RNF6: variants seen among roughly 807,000 people sequenced by gnomAD.
The protein encoded by RNF6 is E3 ubiquitin-protein ligase RNF6.
A neutral mutation model predicts 50.1 loss-of-function variants in RNF6; 21 were observed. That is an observed-to-expected ratio of 0.42 (90% CI 0.30 to 0.60). RNF6 has a LOEUF of 0.60. Among genes scored for constraint, RNF6 ranks in the 20% least tolerant of loss-of-function variants. The probability of loss-of-function intolerance (pLI) is 0.20; values close to 1 mark genes in which losing one functional copy is unlikely to be tolerated. For missense variants in RNF6, 698 were observed against 838.2 expected (o/e 0.83, Z 2.07); for synonymous variants, 255 against 291.8 (o/e 0.87, Z 1.29).
In RNF6 at chr13:26,213,836, T is replaced by C. The variant is rs1222038847; in HGVS notation, c.2046A>G (p.Ala682=). The change falls in exon 5 of 5, where the codon GCA becomes GCG. Residue 682 remains alanine, a synonymous_variant. Transcript: ENST00000381588. ...CRQPVLGSNI[A]NNG ...AGATCCCATCACCTTACCCATTGTT[T>C]GCTATGTTAGACCCTAAAACAGGCT... is the stretch of plus-strand genomic sequence containing the variant. 2 of 1,604,350 alleles carry C rather than the reference T, an allele frequency of 1.2e-6. No homozygotes were observed. Among genetic ancestry groups the C allele is most frequent in the African/African-American group, 2.7e-5 (2 of 74,722 alleles).
downstream of RNF6, among the ~76,000 whole-genome samples, chr13:26,210,238 A>G (rs567803916): frequency 3.9e-5 from 6 of 152,224 alleles, no homozygotes; most frequent in Non-Finnish European, 7.3e-5. Flanking sequence ...ACCCCAAGTG[A>G]GCCACCTACT....
intron 5 of RNF6, among the ~76,000 whole-genome samples, chr13:26,177,834 CT>C (rs1364458792): frequency 6.6e-6 from 1 of 152,236 alleles, no homozygotes; most frequent in Admixed American, 6.5e-5. Context: ...TAGCTATGCC[CT>C]ACTCCACCAT....
At chr13:26,208,909 T>C (rs1320790892), downstream of RNF6, among the ~76,000 whole-genome samples, 1 of 152,206 alleles carries the variant, frequency 6.6e-6, no homozygotes, top group Non-Finnish European at 1.5e-5. Context: ...GCAAACTCTA[T>C]GTGGCTAAGA....
intron 1 of RNF6, 112 bp downstream of exon 1, chr13:26,221,891 T>C (rs747267493): frequency 3.3e-5 from 5 of 152,268 alleles, no homozygotes; most frequent in Non-Finnish European, 7.3e-5. Context: ...CGGAGCGCAA[T>C]AAGAAGGCAG....
rs572387668 is a variant in RNF6 at position 26,218,380 on chromosome 13, A to G, written c.289+131T>C. 6.0e-6 allele frequency: 4 copies of G among 665,492 alleles called. No homozygotes were observed. The East Asian group carries it at 1.1e-4, about 18-fold the overall frequency. The allele number at this position is 665,492 out of a possible 1,614,324, so 41.2% of individuals were successfully genotyped here. On this transcript the variant is annotated intron_variant, in intron 4 of 4. Coordinates refer to ENST00000381588, the MANE Select transcript of RNF6 (RefSeq NM_005977.4). ...CCATACTGCTTTACTACTCATATAT[A>G]TATTATCTGAATGAGTATCACATTA...
intron 5 of RNF6, among the ~76,000 whole-genome samples, chr13:26,173,370 A>G (rs1872794198): frequency 6.6e-6 from 1 of 152,252 alleles, no homozygotes; most frequent in Admixed American, 6.5e-5. Context: ...ATAGTGAAAT[A>G]CTGTAGAGAC....
intron 5 of RNF6, among the ~76,000 whole-genome samples, chr13:26,140,465 A>G (rs540918280): frequency 6.6e-6 from 1 of 152,304 alleles, no homozygotes; most frequent in South Asian, 2.1e-4. Flanking sequence ...TGATAAAAGC[A>G]TCAACAAACT....
rs570667273 is a variant in RNF6, at chr13:26,183,614, A to G, written n.768+31860T>C. ...GCAGCTTAAACAGATTCTGAAACAT[A>G]TTACTTTTTGCAGAAGTGAAACTGA... On this transcript the variant is annotated intron_variant and non_coding_transcript_variant, in intron 5 of 5. Coordinates refer to the RNF6 transcript ENST00000468480. 1.8e-4 allele frequency among the ~76,000 whole-genome samples: 28 copies of G among 152,278 alleles called. 1 individual carries two copies. Among genetic ancestry groups the G allele is most frequent in the African/African-American group, 6.5e-4 (27 of 41,558 alleles).
intron 5 of RNF6, among the ~76,000 whole-genome samples, chr13:26,204,243 C>T (rs1257909948): frequency 6.6e-6 from 1 of 152,042 alleles, no homozygotes. Context: ...GGCCTGTAAT[C>T]CCAGCACTTT....
At chr13:26,138,400 TC>T (rs1463101486) in intron 5 of RNF6, among the ~76,000 whole-genome samples, 3 of 152,112 alleles carry the variant, frequency 2.0e-5, no homozygotes, top group African/African-American at 7.2e-5. Flanking sequence ...TGTATATGAA[TC>T]CACATGAAGA....
At chr13:26,165,615 A>G (rs1269466368) in intron 5 of RNF6, among the ~76,000 whole-genome samples, 1 of 152,240 alleles carries the variant, frequency 6.6e-6, no homozygotes, top group African/African-American at 2.4e-5. Context: ...AGACCATGGG[A>G]ACCCACCTCT....
chr13:26,155,050 A>G (rs1871838461), intron 5 of RNF6, among the ~76,000 whole-genome samples: 1 of 151,732 alleles, frequency 6.6e-6, no homozygotes, highest in Non-Finnish European at 1.5e-5. Flanking sequence ...AAAAACAAAA[A>G]AAAAACTCCT....
intron 5 of RNF6, among the ~76,000 whole-genome samples, chr13:26,166,457 A>G (rs531577403): frequency 6.6e-6 from 1 of 152,272 alleles, no homozygotes; most frequent in Non-Finnish European, 1.5e-5. Context: ...TGAAAAACCC[A>G]TAGTCTCAGC....
rs1448355411 is a variant in RNF6, at chr13:26,213,634, T to C, written c.*190A>G. ...TTAACTATTCTGTATTTCTGGATAA[T>C]TTAACATTTGTATTTTAAATTTTAT... On this transcript the variant is annotated 3_prime_UTR_variant, in exon 5 of 5. Transcript: ENST00000381588. The C allele has an allele frequency of 9.0e-6, 4 of 445,500 alleles. No homozygotes were observed. Among genetic ancestry groups the C allele is most frequent in the Non-Finnish European group, 1.6e-5 (4 of 256,218 alleles). The allele number at this position is 445,500 out of a possible 1,614,324, so 27.6% of individuals were successfully genotyped here.
chr13:26,183,800 T>C (rs1001660740), intron 5 of RNF6, among the ~76,000 whole-genome samples: 1 of 151,242 alleles, frequency 6.6e-6, no homozygotes, highest in African/African-American at 2.4e-5. Flanking sequence ...ACAGAAAGTA[T>C]AGATTACTTT....
chr13:26,142,344 T>TA (rs1188044915), intron 5 of RNF6: 2 of 152,064 alleles, frequency 1.3e-5, no homozygotes, highest in Non-Finnish European at 2.9e-5. Flanking sequence ...GAACTAAAAA[T>TA]AAAACTACCA....
intron 5 of RNF6, among the ~76,000 whole-genome samples, chr13:26,169,781 G>A (rs1872609291): frequency 6.6e-6 from 1 of 152,146 alleles, no homozygotes; most frequent in Non-Finnish European, 1.5e-5. Context: ...AGATAGGAGA[G>A]AGTTTACTTT....
Position 26,215,420 on chromosome 13 carries a change from G to A in RNF6, c.462C>T (p.His154=), listed in dbSNP as rs1405978396. The part of the protein sequence containing the change: ...NGEFRFSLEI[H]VNHENRGFEI... ...CAAATCCTCTATTTTCATGATTTAC[G>A]TGGATTTCCAAACTAAACCGAAACT... Residue 154 remains histidine (H), a synonymous_variant, in exon 5 of 5, where the codon CAC becomes CAT. Transcript: ENST00000381588. 9.3e-6 allele frequency: 15 copies of A among 1,614,104 alleles called. 1 individual carries two copies. The highest frequency in any genetic ancestry group is 6.7e-5 in the Admixed American group (4 of 60,012).
At chr13:26,141,724 A>C (rs908642598) in intron 5 of RNF6, among the ~76,000 whole-genome samples, 1 of 152,170 alleles carries the variant, frequency 6.6e-6, no homozygotes, top group Admixed American at 6.6e-5. Flanking sequence ...ATATACAAAA[A>C]TTAATTGAAG....
Sources: allele counts gnomAD v4.1 joint callset (sites outside exome capture counted in the v4.1 genomes callset), GRCh38; gene constraint gnomAD v4.1.1; transcripts MANE v1.5; gene names NCBI Gene and HGNC (gene_info 2026-07-23, HGNC 2026-07-21).